The following ERC2 variants were observed in gnomAD, a reference collection of about 807,000 sequenced individuals.
ERC2 encodes the protein ELKS/RAB6-interacting/CAST family member 2.
ERC2 carries 42 observed loss-of-function variants against 114.8 expected under a neutral mutation model. The observed-to-expected ratio is 0.37, with a 90% CI of 0.29 to 0.47. The LOEUF (loss-of-function observed/expected upper bound fraction) is 0.47, where lower values mean the gene tolerates loss of function less well. ERC2 is among the 20% of genes least tolerant of loss of function. The probability of loss-of-function intolerance (pLI) is 0.99; values close to 1 mark genes in which losing one functional copy is unlikely to be tolerated. For missense variants in ERC2, 939 were observed against 1,150.7 expected (o/e 0.82, Z 2.66); for synonymous variants, 454 against 425.5 (o/e 1.07, Z -0.82).
chr3:55,709,337 C>T lies in ERC2; in HGVS notation c.2713-9825G>A, dbSNP rs9841927. On this transcript the variant is annotated intron_variant, in intron 15 of 17. Coordinates refer to ENST00000288221, the MANE Select transcript of ERC2 (RefSeq NM_015576.3). ...CACAGGGAGTAAATGAACTGCTCAACAGTTACATATTTACTCTAAAATATA... is the reference window on the plus strand; with the variant it reads ...CACAGGGAGTAAATGAACTGCTCAATAGTTACATATTTACTCTAAAATATA... Among the ~76,000 whole-genome samples, 682 of 152,226 alleles carry T rather than the reference C, an allele frequency of 4.5e-3. 6 individuals are homozygous for T. The highest frequency in any genetic ancestry group is 0.016 in the African/African-American group (660 of 41,528).
At chr3:55,815,798 G>A (rs2059885675) in intron 14 of ERC2, among the ~76,000 whole-genome samples, 1 of 152,190 alleles carries the variant, frequency 6.6e-6, no homozygotes, top group African/African-American at 2.4e-5. Flanking sequence ...AAAGTTGACA[G>A]CCTTGTCAAA....
intron 4 of ERC2, among the ~76,000 whole-genome samples, chr3:56,152,056 C>T (rs922237422): frequency 4.6e-5 from 7 of 152,118 alleles, no homozygotes; most frequent in Admixed American, 1.3e-4. Context: ...AGCAGATAAT[C>T]GTGGGCCTTC....
intron 17 of ERC2, among the ~76,000 whole-genome samples, chr3:55,670,112 T>G (rs1361467025): frequency 6.6e-6 from 1 of 152,096 alleles, no homozygotes; most frequent in Non-Finnish European, 1.5e-5. Context: ...GGGAGGAAAA[T>G]GTAAGAAATC....
intron 3 of ERC2, among the ~76,000 whole-genome samples, chr3:56,214,215 A>T (rs2049287133): frequency 6.6e-6 from 1 of 152,234 alleles, no homozygotes; most frequent in South Asian, 2.1e-4. Flanking sequence ...AGGAAGTTCG[A>T]ACCCATGGCA....
Position 56,080,829 on chromosome 3 carries a change from A to C in ERC2, c.1629T>G (p.Val543=), listed in dbSNP as rs1164343898. Residue 543 remains valine (V), a synonymous_variant, in exon 7 of 18, where the codon GTT becomes GTG. Transcript: ENST00000288221. The part of the protein sequence containing the change: ...MLEVKERKIN[V]LQKKIENLQE... Reference sequence around the variant, plus strand: ...GTCAGCTACTCACCTTTTTCTGAAGAACATTGATTTTTCTTTCCTTCACTT... The same window carrying C: ...GTCAGCTACTCACCTTTTTCTGAAGCACATTGATTTTTCTTTCCTTCACTT... The C allele has an allele frequency of 6.2e-7, 1 of 1,613,270 alleles. No homozygotes were observed. The highest frequency in any genetic ancestry group is 1.1e-5 in the South Asian group (1 of 90,976).
At chr3:55,980,175 T>C (rs2069994715) in intron 12 of ERC2, among the ~76,000 whole-genome samples, 1 of 151,576 alleles carries the variant, frequency 6.6e-6, no homozygotes, top group African/African-American at 2.4e-5. Flanking sequence ...AATCAGCTGA[T>C]TTCTGGGTTC....
At chr3:56,372,623 G>A (rs1270423849) in intron 2 of ERC2, among the ~76,000 whole-genome samples, 1 of 152,158 alleles carries the variant, frequency 6.6e-6, no homozygotes, top group Non-Finnish European at 1.5e-5. Flanking sequence ...CGCTACTCAG[G>A]AGGCTGAGGT....
chr3:56,265,832 C>A (rs1185801847), intron 3 of ERC2, among the ~76,000 whole-genome samples: 1 of 151,774 alleles, frequency 6.6e-6, no homozygotes, highest in Non-Finnish European at 1.5e-5. Flanking sequence ...AGTTCGAGAC[C>A]AGCCTGGCCA....
chr3:55,729,471 T>C (rs746972699), intron 15 of ERC2, among the ~76,000 whole-genome samples: 1 of 152,180 alleles, frequency 6.6e-6, no homozygotes, highest in Non-Finnish European at 1.5e-5. Context: ...TATACTAGTC[T>C]GTATTTTTCT....
chr3:55,845,176 C>T (rs1194736696), intron 14 of ERC2, among the ~76,000 whole-genome samples: 1 of 152,140 alleles, frequency 6.6e-6, no homozygotes, highest in Non-Finnish European at 1.5e-5. Context: ...CAGTATTGAT[C>T]CAGCCCAGGG....
chr3:55,933,787 C>T (rs754529016), intron 13 of ERC2, among the ~76,000 whole-genome samples: 6 of 152,282 alleles, frequency 3.9e-5, no homozygotes, highest in Non-Finnish European at 8.8e-5. Flanking sequence ...ACCCTTTGCC[C>T]ACCTCCAGTG....
chr3:55,605,154 C>A (rs778552051), intron 17 of ERC2, among the ~76,000 whole-genome samples: 6 of 151,520 alleles, frequency 4.0e-5, no homozygotes. Flanking sequence ...CTCACTCTGT[C>A]GCCCATGCTG....
At chr3:55,714,667 G>GTGTA (rs2063990871) in intron 15 of ERC2, among the ~76,000 whole-genome samples, 11 of 88,580 alleles carry the variant, frequency 1.2e-4, no homozygotes, top group African/African-American at 4.5e-4. Context: ...GTGTGTGTGT[G>GTGTA]TATATATATA....
chr3:55,906,982 GT>G (rs1207763667), intron 13 of ERC2, among the ~76,000 whole-genome samples: 1 of 152,182 alleles, frequency 6.6e-6, no homozygotes, highest in African/African-American at 2.4e-5. Flanking sequence ...GATGATAGGG[GT>G]GCTTGCCTCC....
At chr3:55,854,240 A>C (rs1324708353) in intron 14 of ERC2, among the ~76,000 whole-genome samples, 1 of 152,158 alleles carries the variant, frequency 6.6e-6, no homozygotes, top group Non-Finnish European at 1.5e-5. Flanking sequence ...GCGCCACTGC[A>C]CTCCAGCCCA....
intron 7 of ERC2, among the ~76,000 whole-genome samples, chr3:56,037,981 C>T (rs1405273249): frequency 6.6e-6 from 1 of 152,128 alleles, no homozygotes; most frequent in Middle Eastern, 3.4e-3. Context: ...GTAAAACCCA[C>T]AACCATAAAA....
At chr3:55,527,634 T>C (rs2053414137) in intron 17 of ERC2, among the ~76,000 whole-genome samples, 1 of 152,140 alleles carries the variant, frequency 6.6e-6, no homozygotes, top group South Asian at 2.1e-4. Context: ...CAGTGATAAG[T>C]AGCAGAGCAA....
intron 7 of ERC2, among the ~76,000 whole-genome samples, chr3:56,041,850 G>C (rs1371400406): frequency 6.6e-6 from 1 of 152,146 alleles, no homozygotes; most frequent in Non-Finnish European, 1.5e-5. Context: ...GTACTCAATT[G>C]TATTTGGAGG....
intron 8 of ERC2, among the ~76,000 whole-genome samples, chr3:56,014,460 A>C (rs138741482): frequency 7.2e-4 from 110 of 152,222 alleles, no homozygotes; most frequent in African/African-American, 2.6e-3. Context: ...AGCTAATAAA[A>C]ATGTGTATTT....
Sources: allele counts gnomAD v4.1 joint callset (sites outside exome capture counted in the v4.1 genomes callset), GRCh38; gene constraint gnomAD v4.1.1; transcripts MANE v1.5; gene names NCBI Gene and HGNC (gene_info 2026-07-23, HGNC 2026-07-21).